The following TLK2 variants were observed in gnomAD, a reference collection of about 807,000 sequenced individuals.
TLK2 encodes the protein tousled like kinase 2, also known as serine/threonine-protein kinase tousled-like 2.
TLK2 carries 6 observed loss-of-function variants against 117.3 expected under a neutral mutation model. The ratio of observed to expected loss-of-function variants is 0.05; its 90% CI spans 0.03 to 0.10. The LOEUF is 0.10. TLK2 is among the 10% of genes least tolerant of loss of function. The pLI is 1.00. For missense variants in TLK2, 299 were observed against 901.2 expected (o/e 0.33, Z 8.56); for synonymous variants, 257 against 316.7 (o/e 0.81, Z 2.00).
chr17:62,478,458 A>G (rs567597137), upstream of TLK2, among the ~76,000 whole-genome samples: 1 of 150,248 alleles, frequency 6.7e-6, no homozygotes, highest in Non-Finnish European at 1.5e-5. Flanking sequence ...CCGGCGACAC[A>G]AAGGCGGCGG....
chr17:62,503,352 C>T (rs555864888), intron 2 of TLK2, among the ~76,000 whole-genome samples: 19 of 151,708 alleles, frequency 1.3e-4, no homozygotes, highest in East Asian at 1.9e-4. Context: ...GCCACCGCAC[C>T]GGGCCTGGCT....
chr17:62,590,715 GCAATCTTCC>G (rs1331686652), intron 16 of TLK2, among the ~76,000 whole-genome samples: 1 of 152,166 alleles, frequency 6.6e-6, no homozygotes. Context: ...CTGGGCTCAA[GCAATCTTCC>G]CACTTCAGCC....
At chr17:62,582,108 G>A (rs2081263906) in intron 15 of TLK2, among the ~76,000 whole-genome samples, 1 of 152,034 alleles carries the variant, frequency 6.6e-6, no homozygotes, top group South Asian at 2.1e-4. Flanking sequence ...AAAATCTCCT[G>A]GGAGATGTTG....
At chr17:62,494,139 A>G (rs1387078316) in intron 2 of TLK2, among the ~76,000 whole-genome samples, 2 of 152,116 alleles carry the variant, frequency 1.3e-5, no homozygotes, top group Non-Finnish European at 2.9e-5. Context: ...GCTGGAGTGC[A>G]GTGGTGTGAT....
intron 7 of TLK2, 58 bp from the exon 8 acceptor site, chr17:62,552,244 G>C (rs1175157810): frequency 1.5e-6 from 2 of 1,345,274 alleles, no homozygotes; most frequent in Admixed American, 4.0e-5. Context: ...ATTAATACAA[G>C]TGTTTGTGGA....
At chr17:62,593,111 G>A (rs1399001254) in intron 16 of TLK2, among the ~76,000 whole-genome samples, 1 of 152,198 alleles carries the variant, frequency 6.6e-6, no homozygotes, top group East Asian at 1.9e-4. Context: ...GCACGGACCT[G>A]TACTGGGTTG....
In TLK2 at chr17:62,524,435, G is replaced by A. The variant is rs2076244294; in HGVS notation, c.363+104G>A. On this transcript the variant is annotated intron_variant, in intron 6 of 21. Transcript: ENST00000346027. ...TCATTAATTACCCACAGGGAATGAA[G>A]CATTAGGGAGAAAAGTTCATAGTTT... 1.3e-5 allele frequency: 17 copies of A among 1,288,022 alleles called. No individual in the cohort carries two copies. In the South Asian group the frequency reaches 1.6e-4, roughly 12 times the overall value. The allele number at this position is 1,288,022 out of a possible 1,614,324, so 79.8% of individuals were successfully genotyped here.
intron 6 of TLK2, among the ~76,000 whole-genome samples, chr17:62,526,561 A>G (rs899806345): frequency 2.0e-5 from 3 of 152,148 alleles, no homozygotes; most frequent in South Asian, 2.1e-4. Flanking sequence ...TCTCCCCAAT[A>G]ATTATGTATC....
chr17:62,563,521 A>T (rs563112967), intron 10 of TLK2, among the ~76,000 whole-genome samples: 1 of 152,224 alleles, frequency 6.6e-6, no homozygotes, highest in African/African-American at 2.4e-5. Flanking sequence ...TATAAAGAAG[A>T]GGAAAAATGT....
intron 13 of TLK2, among the ~76,000 whole-genome samples, chr17:62,577,007 G>C (rs1208890025): frequency 7.7e-6 from 1 of 130,084 alleles, no homozygotes; most frequent in Admixed American, 9.5e-5. Context: ...GTGTCTCCCA[G>C]GCTGGAGTGC....
At chr17:62,556,467 C>T (rs767717624) in intron 9 of TLK2, among the ~76,000 whole-genome samples, 44 of 152,002 alleles carry the variant, frequency 2.9e-4, no homozygotes, top group Non-Finnish European at 5.7e-4. Flanking sequence ...TCTGCCTTAC[C>T]GACCTGAGAA....
intron 21 of TLK2, among the ~76,000 whole-genome samples, chr17:62,610,079 T>C (rs2083620095): frequency 1.3e-5 from 2 of 152,232 alleles, no homozygotes; most frequent in Admixed American, 1.3e-4. Context: ...GTCTGGTAGA[T>C]GTTTAATTCT....
chr17:62,581,397 A>G (rs942619910), intron 15 of TLK2, among the ~76,000 whole-genome samples: 10 of 150,506 alleles, frequency 6.6e-5, no homozygotes, highest in African/African-American at 2.4e-4. Context: ...GAACTATATT[A>G]TGATTAGTGC....
intron 2 of TLK2, among the ~76,000 whole-genome samples, chr17:62,514,898 C>G (rs1295514423): frequency 6.6e-6 from 1 of 152,154 alleles, no homozygotes; most frequent in Non-Finnish European, 1.5e-5. Context: ...CGTGCCCGGC[C>G]CACCATCTTA....
chr17:62,559,955 A>G (rs2079135895), intron 9 of TLK2, 61 bp from the exon 10 acceptor site: 1 of 1,251,136 alleles, frequency 8.0e-7, no homozygotes, highest in African/African-American at 1.5e-5. Context: ...CTCTCCCTAG[A>G]AACTGCTTTT....
At chr17:62,576,874 C>CTATGTGCAGCTACT in intron 13 of TLK2, 99 bp downstream of exon 13, 1 of 838,970 alleles carries the variant, frequency 1.2e-6, no homozygotes, top group Non-Finnish European at 2.0e-6. Context: ...ATAGTAGCTG[C>CTATGTGCAGCTACT]ACATAGCAGC....
intron 15 of TLK2, among the ~76,000 whole-genome samples, chr17:62,582,216 A>G (rs1030252376): frequency 1.3e-5 from 2 of 151,554 alleles, no homozygotes; most frequent in African/African-American, 4.8e-5. Flanking sequence ...TGGTAATTTA[A>G]TTTTTCTAGG....
upstream of TLK2, among the ~76,000 whole-genome samples, chr17:62,473,990 G>T (rs1236833064): frequency 6.6e-6 from 1 of 152,044 alleles, no homozygotes; most frequent in African/African-American, 2.4e-5. Context: ...CCACCTTCTG[G>T]GCTCAAGTGA....
At chr17:62,564,444 G>T (rs1486795916) in intron 10 of TLK2, among the ~76,000 whole-genome samples, 2 of 151,358 alleles carry the variant, frequency 1.3e-5, no homozygotes, top group Non-Finnish European at 2.9e-5. Flanking sequence ...GCTGAGGCAG[G>T]AGAATCGCTT....
Sources: gnomAD v4.1 joint callset for allele counts (sites outside exome capture counted in the v4.1 genomes callset) on GRCh38, gnomAD v4.1.1 for gene constraint, MANE v1.5 for transcripts, NCBI Gene and HGNC (gene_info 2026-07-23, HGNC 2026-07-21) for gene names.